Variants in UNC5A observed in about 807,000 individuals in gnomAD.
UNC5A encodes the protein netrin receptor UNC5A.
UNC5A carries 20 observed loss-of-function variants against 87.4 expected under a neutral mutation model. The observed-to-expected ratio is 0.23, with a 90% CI of 0.16 to 0.33. UNC5A has a LOEUF of 0.33. Among genes scored for constraint, UNC5A ranks in the 10% least tolerant of loss-of-function variants. The pLI is 1.00. For missense variants in UNC5A, 844 were observed against 1,133.4 expected (o/e 0.74, Z 3.67); for synonymous variants, 438 against 482.3 (o/e 0.91, Z 1.20).
intron 1 of UNC5A, among the ~76,000 whole-genome samples, chr5:176,832,101 C>T (rs561173146): frequency 2.6e-5 from 4 of 151,996 alleles, no homozygotes; most frequent in South Asian, 2.1e-4. Context: ...TTCACCATGT[C>T]GGCCAGGCTG....
intron 1 of UNC5A, among the ~76,000 whole-genome samples, chr5:176,828,699 A>G (rs1756912554): frequency 6.6e-6 from 1 of 152,072 alleles, no homozygotes; most frequent in African/African-American, 2.4e-5. Context: ...TATGTTCTGT[A>G]CCACCCCCAG....
intron 1 of UNC5A, among the ~76,000 whole-genome samples, chr5:176,814,549 G>A (rs1358759240): frequency 6.6e-6 from 1 of 152,168 alleles, no homozygotes; most frequent in African/African-American, 2.4e-5. Context: ...GAAACCCGCA[G>A]CTTCAGTCCA....
intron 1 of UNC5A, among the ~76,000 whole-genome samples, chr5:176,839,052 C>T (rs1332995139): frequency 6.6e-6 from 1 of 152,138 alleles, no homozygotes; most frequent in Non-Finnish European, 1.5e-5. Context: ...GTTCTCCTGC[C>T]TCTGTGCGTT....
intron 1 of UNC5A, among the ~76,000 whole-genome samples, chr5:176,823,757 GA>G (rs1311915389): frequency 1.3e-5 from 2 of 150,650 alleles, no homozygotes; most frequent in Non-Finnish European, 1.5e-5. Flanking sequence ...AAAGGGAAAG[GA>G]CGGCTGGATA....
chr5:176,814,328 T>A (rs1756537100), intron 1 of UNC5A, among the ~76,000 whole-genome samples: 1 of 152,216 alleles, frequency 6.6e-6, no homozygotes, highest in South Asian at 2.1e-4. Context: ...AGCTCTGGGC[T>A]GGTCTATCTG....
chr5:176,865,792 G>A lies in UNC5A; in HGVS notation c.293-2338G>A, dbSNP rs1364351398. The stretch of plus-strand genomic sequence containing the variant: ...TCATGTGTGGGGCTGGAGGTGGCCG[G>A]ATGGACACCCAGGAGAGCACCTACT... On this transcript the variant is annotated intron_variant, in intron 2 of 14. Coordinates refer to ENST00000329542, the MANE Select transcript of UNC5A (RefSeq NM_133369.3). This position sits in a 1 kb window ranked among gnomAD's most constrained non-coding sequence, Gnocchi z 5.3. The A allele has an allele frequency of 4.9e-6, 2 of 408,674 alleles. No homozygotes were observed. The highest frequency in any genetic ancestry group is 4.1e-5 in the African/African-American group (2 of 48,230). The allele number at this position is 408,674 out of a possible 1,614,324, so 25.3% of individuals were successfully genotyped here. A position where few individuals can be genotyped will look rare whatever the true frequency, so the allele number is the denominator to read the frequency against.
intron 14 of UNC5A, 69 bp downstream of exon 14, chr5:176,879,557 G>A: frequency 1.3e-6 from 2 of 1,549,568 alleles, no homozygotes; most frequent in Non-Finnish European, 1.7e-6. Context: ...CGGGGTGGGT[G>A]AGGTGGACAG....
rs1317583716 is a variant in UNC5A, at chr5:176,866,100, G to T, written c.293-2030G>T. Among the ~76,000 whole-genome samples, 1 of 152,084 alleles carries T rather than the reference G, an allele frequency of 6.6e-6. No individual in the cohort carries two copies. Among genetic ancestry groups the T allele is most frequent in the African/African-American group, 2.4e-5 (1 of 41,410 alleles). On this transcript the variant is annotated intron_variant, in intron 2 of 14. Coordinates refer to ENST00000329542, the MANE Select transcript of UNC5A (RefSeq NM_133369.3). This position sits in a 1 kb window ranked among gnomAD's most constrained non-coding sequence, Gnocchi z 5.0. ...GCAGCCCAGGTTCACACACACACCC[G>T]CCCAGGCCCACTGGCCCGGGGTCCC...
At chr5:176,845,238 A>G (rs578207985) in intron 1 of UNC5A, among the ~76,000 whole-genome samples, 1 of 152,146 alleles carries the variant, frequency 6.6e-6, no homozygotes, top group Non-Finnish European at 1.5e-5. Context: ...CAGCCCCACG[A>G]CAGAGCCCTC....
chr5:176,832,887 G>A (rs893921741), intron 1 of UNC5A, among the ~76,000 whole-genome samples: 1 of 152,206 alleles, frequency 6.6e-6, no homozygotes, highest in African/African-American at 2.4e-5. Context: ...GGACTGACGA[G>A]GCCATGACAG....
At chr5:176,836,586 G>T (rs1757153086) in intron 1 of UNC5A, among the ~76,000 whole-genome samples, 1 of 151,952 alleles carries the variant, frequency 6.6e-6, no homozygotes, top group Non-Finnish European at 1.5e-5. Context: ...TAGAAAATCA[G>T]ACTGGCCCAC....
intron 1 of UNC5A, among the ~76,000 whole-genome samples, chr5:176,847,851 T>C (rs1475116072): frequency 6.6e-6 from 1 of 151,586 alleles, no homozygotes; most frequent in Non-Finnish European, 1.5e-5. Context: ...CCTTCCTCTT[T>C]ACCCTCCCCC....
At chr5:176,879,583 C>T in intron 14 of UNC5A, 95 bp downstream of exon 14, 1 of 1,543,682 alleles carries the variant, frequency 6.5e-7, no homozygotes, top group Non-Finnish European at 8.7e-7. Context: ...CCTGTGGGGC[C>T]TGTGCCGCAT....
rs55990257 is a variant in UNC5A at position 176,835,729 on chromosome 5, A to ATGTGTGTGTGTGTG, written c.70+24929_70+24942dup. 7.6e-4 allele frequency among the ~76,000 whole-genome samples: 111 copies of ATGTGTGTGTGTGTG among 145,396 alleles called. 1 individual carries two copies. Among genetic ancestry groups the ATGTGTGTGTGTGTG allele is most frequent in the African/African-American group, 2.7e-3 (106 of 38,580 alleles). ...TGCAAATGGATGCCTTTGATAAAGGATGTGTGTGTGTGTGTGTGTGTGTGT... is the reference window on the plus strand; with the variant it reads ...TGCAAATGGATGCCTTTGATAAAGGATGTGTGTGTGTGTGTGTGTGTGTGTGTGTGTGTGTGTGT... On this transcript the variant is annotated intron_variant, in intron 1 of 14. Coordinates refer to ENST00000329542, the MANE Select transcript of UNC5A (RefSeq NM_133369.3).
intron 1 of UNC5A, among the ~76,000 whole-genome samples, chr5:176,820,725 A>G (rs146795102): frequency 1.6e-4 from 24 of 152,302 alleles, no homozygotes; most frequent in African/African-American, 5.8e-4. Flanking sequence ...GAGTTTGCAT[A>G]AGGCTCATTG....
At chr5:176,847,343 C>T (rs1757435154) in intron 1 of UNC5A, among the ~76,000 whole-genome samples, 1 of 152,132 alleles carries the variant, frequency 6.6e-6, no homozygotes, top group South Asian at 2.1e-4. Flanking sequence ...GCATGTGGTC[C>T]GGCTGGCTGA....
intron 1 of UNC5A, among the ~76,000 whole-genome samples, chr5:176,839,499 G>A (rs1042012064): frequency 1.3e-5 from 2 of 152,256 alleles, no homozygotes; most frequent in Non-Finnish European, 1.5e-5. Flanking sequence ...AGGCAGGCCA[G>A]GAGGGCCGCT....
intron 1 of UNC5A, among the ~76,000 whole-genome samples, chr5:176,858,719 GA>G (rs1490370804): frequency 5.7e-4 from 78 of 137,282 alleles, no homozygotes; most frequent in Admixed American, 1.2e-3. Context: ...GAAAGAGAGA[GA>G]GAGAAGGAAG....
rs538918936 is a variant in UNC5A at position 176,810,930 on chromosome 5, C to G, written c.70+110C>G. On this transcript the variant is annotated intron_variant, in intron 1 of 14. Transcript: ENST00000329542. The surrounding 1 kb of genome is among the most constrained non-coding windows in gnomAD (Gnocchi z 7.3). ...GCTGCCAGACCCGGCTGGGAGCCCC[C>G]CGAGGCCAAACTTTGCGAGGCGGGA... 7 of 1,008,412 alleles carry G rather than the reference C, an allele frequency of 6.9e-6. No individual in the cohort carries two copies. The East Asian group carries it at 1.3e-4, about 19-fold the overall frequency. 62.5% of individuals were successfully genotyped at this position (1,008,412 alleles called of 1,614,324 possible). A position where few individuals can be genotyped will look rare whatever the true frequency, so the allele number is the denominator to read the frequency against.
Sources: allele counts gnomAD v4.1 joint callset (sites outside exome capture counted in the v4.1 genomes callset), GRCh38; gene constraint gnomAD v4.1.1; non-coding constraint Gnocchi (gnomAD v3.1); transcripts MANE v1.5; gene names NCBI Gene and HGNC (gene_info 2026-07-23, HGNC 2026-07-21).